The following THEM5 variants were observed in gnomAD, a reference collection of about 807,000 sequenced individuals.
THEM5 encodes acyl-coenzyme A thioesterase THEM5.
A neutral mutation model predicts 24.2 loss-of-function variants in THEM5; 28 were observed. That is an observed-to-expected ratio of 1.16 (90% CI 0.86 to 1.59). The LOEUF (loss-of-function observed/expected upper bound fraction) is 1.59, where lower values mean the gene tolerates loss of function less well. THEM5 is among the 40% of genes most tolerant of loss of function. The pLI is 0.00. For synonymous variants in THEM5, 87 were observed against 114.5 expected (o/e 0.76, Z 1.53); for missense variants, 260 against 296.8 (o/e 0.88, Z 0.91).
At chr1:151,850,758 C>T (rs74126703) in intron 3 of THEM5, among the ~76,000 whole-genome samples, 1,786 of 152,282 alleles carry the variant, frequency 0.012, 43 homozygotes, top group African/African-American at 0.04. Flanking sequence ...GTCTAGATTC[C>T]GGATCTTGCC....
At position 151,853,504 on chromosome 1, in the gene THEM5, G is replaced by A. The variant is rs772424639; in HGVS notation, c.62C>T (p.Ala21Val). 1.2e-5 allele frequency: 20 copies of A among 1,613,752 alleles called. No individual in the cohort carries two copies. Among genetic ancestry groups the A allele is most frequent in the Admixed American group, 6.7e-5 (4 of 59,956 alleles). Residue 21 changes from alanine (A) to valine (V), a missense_variant, in exon 1 of 6, where the codon GCC becomes GTC. Transcript: ENST00000368817. ...GTTGAGTCTGGGCAGGATACGGGGG[G>A]CCTCAAGAAGGCCTCTGTGGTGGCC... ...RLGHHRGLLE[A>V]PRILPRLNPA...
chr1:151,853,487 T>C lies in THEM5; in HGVS notation c.79A>G (p.Arg27Gly). 1 of 1,613,964 alleles carries C rather than the reference T, an allele frequency of 6.2e-7. No homozygotes were observed. The highest frequency in any genetic ancestry group is 8.5e-7 in the Non-Finnish European group (1 of 1,179,928). The stretch of plus-strand genomic sequence containing the variant: ...CCAAATGCTGAGGCAGGGTTGAGTC[T>C]GGGCAGGATACGGGGGGCCTCAAGA... ...GLLEAPRILP[R>G]LNPASAFGSS... Residue 27 changes from arginine (R) to glycine (G), a missense_variant, in exon 1 of 6, where the codon AGA becomes GGA. Coordinates refer to ENST00000368817, the MANE Select transcript of THEM5 (RefSeq NM_182578.4).
intron 4 of THEM5, 50 bp downstream of exon 4, chr1:151,848,132 G>A (rs966720186): frequency 1.9e-6 from 3 of 1,581,240 alleles, no homozygotes; most frequent in Non-Finnish European, 1.7e-6. Flanking sequence ...CCACTTCCAG[G>A]GATGAAAAGG....
At chr1:151,852,174 G>A (rs1011640284) in intron 2 of THEM5, 84 bp downstream of exon 2, 1 of 1,357,988 alleles carries the variant, frequency 7.4e-7, no homozygotes, top group African/African-American at 1.4e-5. Flanking sequence ...CTGAGAACTG[G>A]AAGGCGGTCT....
chr1:151,850,632 C>T (rs1054083049), intron 3 of THEM5, among the ~76,000 whole-genome samples: 1 of 152,150 alleles, frequency 6.6e-6, no homozygotes, highest in Non-Finnish European at 1.5e-5. Context: ...TCTCTGGTCA[C>T]CCTGGCAGGT....
Position 151,851,085 on chromosome 1 carries a change from G to T in THEM5, c.432C>A (p.Phe144Leu), listed in dbSNP as rs758188940. 4 of 1,614,202 alleles carry T rather than the reference G, an allele frequency of 2.5e-6. No homozygotes were observed. The highest frequency in any genetic ancestry group is 3.4e-6 in the Non-Finnish European group (4 of 1,180,030). Residue 144 changes from phenylalanine (F) to leucine (L), a missense_variant, in exon 3 of 6, where the codon TTC becomes TTA. Physicochemically the swap from Phe to Leu is conservative, Grantham distance 22. Coordinates refer to ENST00000368817, the MANE Select transcript of THEM5 (RefSeq NM_182578.4). Reference protein sequence around the residue: ...QPTQKKSVCLFQPGSYLEGPP... With the variant: ...QPTQKKSVCLLQPGSYLEGPP... ...GCCCCTCCAGGTAGGAGCCTGGTTGGAAAAGACAGACCGACTTCTTCTGGG... is the reference window on the plus strand; with the variant it reads ...GCCCCTCCAGGTAGGAGCCTGGTTGTAAAAGACAGACCGACTTCTTCTGGG...
chr1:151,852,273 G>A lies in THEM5; in HGVS notation c.310C>T (p.Leu104=), dbSNP rs1653149458. ...HIRGLKLPSG[L]AVSSDKGDCR... ...CTGTCCTTACCTGAGGAAACTGCCA[G>A]TCCAGATGGGAGCTTGAGTCCCCGG... The change falls in exon 2 of 6, where the codon CTG becomes TTG. Residue 104 remains leucine, a synonymous_variant. Coordinates refer to ENST00000368817, the MANE Select transcript of THEM5 (RefSeq NM_182578.4). The A allele has an allele frequency of 1.2e-6, 2 of 1,613,656 alleles. No individual in the cohort carries two copies. The highest frequency in any genetic ancestry group is 1.3e-5 in the African/African-American group (1 of 75,016).
chr1:151,851,298 C>T (rs1186417846), intron 2 of THEM5, 107 bp from the exon 3 acceptor site: 2 of 1,429,712 alleles, frequency 1.4e-6, no homozygotes, highest in African/African-American at 1.4e-5. Context: ...GAGAGAAAAC[C>T]AGAGGACACC....
chr1:151,849,092 C>T (rs771262685), intron 3 of THEM5, among the ~76,000 whole-genome samples: 1 of 151,854 alleles, frequency 6.6e-6, no homozygotes, highest in Non-Finnish European at 1.5e-5. Context: ...TGGTGGCAAG[C>T]GCCTGTAACT....
chr1:151,850,926 A>C, intron 3 of THEM5, 127 bp downstream of exon 3: 1 of 1,206,840 alleles, frequency 8.3e-7, no homozygotes, highest in Non-Finnish European at 1.1e-6. Flanking sequence ...GCTGAAGCCT[A>C]GTGCCCCACA....
chr1:151,847,844 A>C lies in THEM5; in HGVS notation c.594T>G (p.Ser198=). ...CCAGTTCTACGTCCATTACAACCAG[A>C]GAGTCCACGGGGATCAAGCTGGGAG... ...IRFKNLIPVD[S]LVVMDVELDK... is the part of the protein sequence containing the mutation. The change falls in exon 5 of 6, where the codon TCT becomes TCG. Residue 198 remains serine, a synonymous_variant. Transcript: ENST00000368817. 1 of 1,614,080 alleles carries C rather than the reference A, an allele frequency of 6.2e-7. No individual in the cohort carries two copies. Among genetic ancestry groups the C allele is most frequent in the Non-Finnish European group, 8.5e-7 (1 of 1,180,020 alleles).
Position 151,847,783 on chromosome 1 carries a change from T to G in THEM5, c.655A>C (p.Ile219Leu), listed in dbSNP as rs1652983915. 2.5e-6 allele frequency: 4 copies of G among 1,614,006 alleles called. No individual in the cohort carries two copies. Among genetic ancestry groups the G allele is most frequent in the Non-Finnish European group, 3.4e-6 (4 of 1,180,018 alleles). Residue 219 changes from isoleucine (I) to leucine (L), a missense_variant, in exon 5 of 6, where the codon ATC (isoleucine) becomes CTC (leucine). By Grantham distance (5) the Ile-to-Leu change is conservative (BLOSUM62 2). Coordinates refer to ENST00000368817, the MANE Select transcript of THEM5 (RefSeq NM_182578.4). ...IEDQKLYMSC[I>L]AHSRDQQTVY... is the part of the protein sequence containing the mutation. ...GTCTGCTGGTCTCTGCTGTGGGCGA[T>G]GCAGGACATGTAAAGCTTCTGGTCC...
chr1:151,849,048 G>A (rs545251401), intron 3 of THEM5, among the ~76,000 whole-genome samples: 3 of 152,138 alleles, frequency 2.0e-5, no homozygotes, highest in Admixed American at 6.5e-5. Flanking sequence ...GTGAAACTCC[G>A]TCTCTACTAA....
intron 1 of THEM5, 45 bp from the exon 2 acceptor site, chr1:151,852,504 G>T (rs774476293): frequency 4.4e-6 from 7 of 1,597,550 alleles, no homozygotes; most frequent in Non-Finnish European, 6.0e-6. Context: ...CCTGGAGGGG[G>T]GCTGCTGCCT....
chr1:151,847,177 C>A lies in THEM5; in HGVS notation c.*194G>T. ...CACCAATTGCTGCTTGAGGACCCCT[C>A]CCTGCTCTTTGATGGGTCCCAGGCA... is the stretch of plus-strand genomic sequence containing the variant. On this transcript the variant is annotated 3_prime_UTR_variant, in exon 6 of 6. Coordinates refer to ENST00000368817, the MANE Select transcript of THEM5 (RefSeq NM_182578.4). 1.2e-6 allele frequency: 1 copy of A among 841,032 alleles called. No individual in the cohort carries two copies. Among genetic ancestry groups the A allele is most frequent in the South Asian group, 1.4e-5 (1 of 70,660 alleles). 52.1% of individuals were successfully genotyped at this position (841,032 alleles called of 1,614,324 possible).
intron 2 of THEM5, 60 bp from the exon 3 acceptor site, chr1:151,851,251 C>A: frequency 6.2e-7 from 1 of 1,606,464 alleles, no homozygotes; most frequent in Non-Finnish European, 8.5e-7. Context: ...GGATGCAGCA[C>A]CATTTGGTTG....
At chr1:151,851,009 G>A (rs1653101187) in intron 3 of THEM5, 44 bp downstream of exon 3, 5 of 1,611,226 alleles carry the variant, frequency 3.1e-6, no homozygotes, top group Non-Finnish European at 4.2e-6. Flanking sequence ...CTGCCCTGCT[G>A]AGCCAAGCCC....
intron 2 of THEM5, among the ~76,000 whole-genome samples, chr1:151,851,431 G>C (rs1653120173): frequency 6.6e-6 from 1 of 152,210 alleles, no homozygotes; most frequent in South Asian, 2.1e-4. Context: ...GATAGGATCA[G>C]GGCCAGGGCA....
intron 1 of THEM5, 94 bp downstream of exon 1, chr1:151,853,349 C>A (rs1164593815): frequency 2.7e-6 from 4 of 1,466,820 alleles, no homozygotes; most frequent in Non-Finnish European, 3.6e-6. Flanking sequence ...GCCCACCTGC[C>A]CTGGCCATGG....
Sources: allele counts gnomAD v4.1 joint callset (sites outside exome capture counted in the v4.1 genomes callset), GRCh38; gene constraint gnomAD v4.1.1; transcripts MANE v1.5; gene names NCBI Gene and HGNC (gene_info 2026-07-23, HGNC 2026-07-21).